Variants in SP7 observed in about 807,000 individuals in gnomAD.
SP7 encodes the protein Sp7 transcription factor, also known as transcription factor Sp7.
A neutral mutation model predicts 27.9 loss-of-function variants in SP7; 13 were observed. The ratio of observed to expected loss-of-function variants is 0.47; its 90% confidence interval spans 0.30 to 0.74. SP7 has a LOEUF of 0.74. SP7 is among the 30% of genes least tolerant of loss of function. The pLI, the probability that SP7 is intolerant of heterozygous loss-of-function variation, is 0.06. For synonymous variants in SP7, 219 were observed against 226.7 expected, an observed-to-expected ratio of 0.97 and a Z score of 0.31; for missense variants, 525 against 558.0, an observed-to-expected ratio of 0.94 and a Z score of 0.60.
intron 2 of SP7, among the ~76,000 whole-genome samples, chr12:53,333,304 G>A (rs770806814): frequency 1.3e-5 from 2 of 152,094 alleles, no homozygotes; most frequent in African/African-American, 2.4e-5. Flanking sequence ...TCCCACCTTC[G>A]AGTTGTTCCC....
intron 2 of SP7, among the ~76,000 whole-genome samples, chr12:53,332,873 C>CCCGGCT (rs1181646926): frequency 1.3e-5 from 2 of 152,282 alleles, no homozygotes; most frequent in Admixed American, 6.5e-5. Flanking sequence ...CTCTGCCCAG[C>CCCGGCT]CCGGCTCCGA....
At chr12:53,338,640 G>C (rs1358204842), upstream of SP7, among the ~76,000 whole-genome samples, 2 of 152,086 alleles carry the variant, frequency 1.3e-5, no homozygotes, top group Admixed American at 6.5e-5. Context: ...TACCCGGGAA[G>C]GGGCAGACGT....
At chr12:53,330,027 C>T (rs1944685940) in intron 2 of SP7, among the ~76,000 whole-genome samples, 1 of 151,954 alleles carries the variant, frequency 6.6e-6, no homozygotes, top group South Asian at 2.1e-4. Context: ...AGCCACTGCG[C>T]CCGGCCTTTT....
chr12:53,328,652 C>G lies in SP7; in HGVS notation c.790G>C (p.Gly264Arg), dbSNP rs1433527492. ...CAGTCGCAGGAGGAGCGCCCTGCCC[C>G]ACTGCCCCCATATCCACCACTACCC... Reference protein sequence around the residue: ...TGGSGGYGGSGAGRSSCDCPN... With the variant: ...TGGSGGYGGSRAGRSSCDCPN... The change falls in exon 3 of 3, where the codon GGG becomes CGG. Residue 264 changes from glycine to arginine, a missense_variant. Gly to Arg is a moderately radical substitution (Grantham distance 125, BLOSUM62 -2). Transcript: ENST00000536324. The surrounding 1 kb of genome is among the most constrained non-coding windows in gnomAD (Gnocchi z 5.1). The G allele has an allele frequency of 6.2e-7, 1 of 1,610,236 alleles. No homozygotes were observed. The highest frequency in any genetic ancestry group is 2.2e-5 in the East Asian group (1 of 44,750).
At position 53,328,332 on chromosome 12, in the gene SP7, G is replaced by A. The variant is rs201777351; in HGVS notation, c.1110C>T (p.Ser370=). 6.2e-7 allele frequency: 1 copy of A among 1,611,756 alleles called. No homozygotes were observed. Among genetic ancestry groups the A allele is most frequent in the Admixed American group, 1.7e-5 (1 of 59,914 alleles). ...SKRFTRSDHL[S]KHQRTHGEPG... is the part of the protein sequence containing the mutation. ...GTTCTCCATGGGTGCGCTGGTGTTTGCTCAGGTGGTCGCTTCGGGTAAAGC... is the reference window on the plus strand; with the variant it reads ...GTTCTCCATGGGTGCGCTGGTGTTTACTCAGGTGGTCGCTTCGGGTAAAGC... Residue 370 remains serine, a synonymous_variant, in exon 3 of 3, where the codon AGC becomes AGT. Coordinates refer to ENST00000536324, the MANE Select transcript of SP7 (RefSeq NM_001173467.3). The surrounding 1 kb of genome is among the most constrained non-coding windows in gnomAD (Gnocchi z 5.1).
chr12:53,342,645 C>T (rs1944834279), intron 1 of SP7, among the ~76,000 whole-genome samples: 2 of 152,036 alleles, frequency 1.3e-5, no homozygotes, highest in South Asian at 4.2e-4. Flanking sequence ...GAAACCCCAT[C>T]TCTACTAAAA....
At position 53,327,867 on chromosome 12, in the gene SP7, G is replaced by A; in HGVS notation, c.*279C>T. 2 of 432,104 alleles carry A rather than the reference G, an allele frequency of 4.6e-6. No homozygotes were observed. The highest frequency in any genetic ancestry group is 2.0e-5 in the African/African-American group (1 of 49,272). The allele number at this position is 432,104 out of a possible 1,614,324, so 26.8% of individuals were successfully genotyped here. The stretch of plus-strand genomic sequence containing the variant: ...CCCAAATAGAAAGTGTGTTGGTGTG[G>A]CAGGGCCAGAGTCTAGGAAGCCGGA... On this transcript the variant is annotated 3_prime_UTR_variant, in exon 3 of 3. Coordinates refer to ENST00000536324, the MANE Select transcript of SP7 (RefSeq NM_001173467.3).
chr12:53,337,238 A>G (rs1481077435), upstream of SP7, among the ~76,000 whole-genome samples: 3 of 152,280 alleles, frequency 2.0e-5, no homozygotes, highest in African/African-American at 7.2e-5. Context: ...TTTCCTGGGA[A>G]CTCCTGGTTC....
Position 53,327,842 on chromosome 12 carries a change from C to A in SP7, c.*304G>T, listed in dbSNP as rs1233103862. On this transcript the variant is annotated 3_prime_UTR_variant, in exon 3 of 3. Coordinates refer to ENST00000536324, the MANE Select transcript of SP7 (RefSeq NM_001173467.3). ...TGAGATGGAGAAATAGTGTTGGGAG[C>A]CCAAATAGAAAGTGTGTTGGTGTGG... 65 of 384,020 alleles carry A rather than the reference C, an allele frequency of 1.7e-4. No homozygotes were observed. Among genetic ancestry groups the A allele is most frequent in the Non-Finnish European group, 1.1e-4 (24 of 213,870 alleles). 23.8% of individuals were successfully genotyped at this position (384,020 alleles called of 1,614,324 possible).
intron 2 of SP7, among the ~76,000 whole-genome samples, chr12:53,333,564 G>T (rs545553302): frequency 6.6e-6 from 1 of 152,218 alleles, no homozygotes; most frequent in East Asian, 1.9e-4. Context: ...AGCAGTCAAG[G>T]TCCCATTTTC....
upstream of SP7, among the ~76,000 whole-genome samples, chr12:53,338,246 C>CGTGGTGGGGTGTCCCT (rs951131992): frequency 1.3e-5 from 2 of 152,124 alleles, no homozygotes; most frequent in African/African-American, 4.8e-5. Flanking sequence ...AGGAAGTGCC[C>CGTGGTGGGGTGTCCCT]GTGGTGGGGT....
Position 53,328,602 on chromosome 12 carries a change from C to A in SP7, c.840G>T (p.Arg280=). The A allele has an allele frequency of 6.2e-7, 1 of 1,609,754 alleles. No individual in the cohort carries two copies. The change falls in exon 3 of 3, where the codon CGG becomes CGT. Residue 280 remains arginine, a synonymous_variant. Coordinates refer to ENST00000536324, the MANE Select transcript of SP7 (RefSeq NM_001173467.3). This position sits in a 1 kb window ranked among gnomAD's most constrained non-coding sequence, Gnocchi z 5.1. ...GCAGCCCAGCCGCTGCTGCTCCCAG[C>A]CGCTCTAGCTCCTGGCAATTAGGGC... ...CDCPNCQELE[R]LGAAAAGLRK...
chr12:53,343,998 A>C (rs1944843095), intron 1 of SP7, among the ~76,000 whole-genome samples: 1 of 152,090 alleles, frequency 6.6e-6, no homozygotes, highest in Non-Finnish European at 1.5e-5. Context: ...CAGTGAGCTG[A>C]GATTGTGCCA....
rs1274124053 is a variant in SP7, at chr12:53,344,171, T to C, written c.-34+943A>G. 1.3e-5 allele frequency among the ~76,000 whole-genome samples: 2 copies of C among 152,084 alleles called. No individual in the cohort carries two copies. The highest frequency in any genetic ancestry group is 2.9e-5 in the Non-Finnish European group (2 of 68,010). On this transcript the variant is annotated intron_variant, in intron 1 of 1. Coordinates refer to the SP7 transcript ENST00000547755. The surrounding 1 kb of genome is among the most constrained non-coding windows in gnomAD (Gnocchi z 4.6). ...GTCACACATGACTTCCCTTGATCTG[T>C]GTGTTGATGTGTGCACTTGCACACA...
Position 53,341,372 on chromosome 12 carries a change from G to T in SP7, c.-34+3742C>A, listed in dbSNP as rs117506633. 3.1e-3 allele frequency among the ~76,000 whole-genome samples: 466 copies of T among 152,276 alleles called. 2 individuals are homozygous for T. Among genetic ancestry groups the T allele is most frequent in the Non-Finnish European group, 3.7e-3 (249 of 68,028 alleles). ...GAAGGAGCAGGAAGGAATCTGGATGGCAGGGGACAAAGTGAAAAATGAAAG... is the reference window on the plus strand; with the variant it reads ...GAAGGAGCAGGAAGGAATCTGGATGTCAGGGGACAAAGTGAAAAATGAAAG... On this transcript the variant is annotated intron_variant, in intron 1 of 1. Transcript: ENST00000547755.
chr12:53,336,380 G>A (rs61928076), upstream of SP7: 3,670 of 155,520 alleles, frequency 0.024, 74 homozygotes, highest in Non-Finnish European at 0.038. Context: ...GCTGCCGCCC[G>A]CCGCTGCTGA....
At chr12:53,338,286 T>G (rs1033824560), upstream of SP7, among the ~76,000 whole-genome samples, 9 of 151,926 alleles carry the variant, frequency 5.9e-5, no homozygotes, top group African/African-American at 1.5e-4. Flanking sequence ...CTCCCCCTTG[T>G]TGGGGGGGAG....
rs889204045 is a variant in SP7 at position 53,344,050 on chromosome 12, GA to G, written c.-34+1063del. ...GCGACAGAGCCAGACTCTGTCTCAA[GA>G]AAAAAAAAAATAAAAAAATAAGTCA... On this transcript the variant is annotated intron_variant, in intron 1 of 1. Transcript: ENST00000547755. This position sits in a 1 kb window ranked among gnomAD's most constrained non-coding sequence, Gnocchi z 4.6. Among the ~76,000 whole-genome samples the G allele has an allele frequency of 1.1e-4, 16 of 150,128 alleles. No individual in the cohort carries two copies. Among genetic ancestry groups the G allele is most frequent in the African/African-American group, 3.7e-4 (15 of 40,722 alleles).
At position 53,344,350 on chromosome 12, in the gene SP7, C is replaced by T. The variant is rs989235167; in HGVS notation, c.-34+764G>A. 6.6e-6 allele frequency among the ~76,000 whole-genome samples: 1 copy of T among 152,064 alleles called. No homozygotes were observed. Among genetic ancestry groups the T allele is most frequent in the African/African-American group, 2.4e-5 (1 of 41,392 alleles). ...CCCGCCTCTGCCCTCTGCCCCAATC[C>T]CTCCTGAACTATTTCCTTTCCCCCT... is the stretch of plus-strand genomic sequence containing the variant. On this transcript the variant is annotated intron_variant, in intron 1 of 1. Transcript: ENST00000547755. The surrounding 1 kb of genome is among the most constrained non-coding windows in gnomAD (Gnocchi z 4.6).
Sources: gnomAD v4.1 joint callset for allele counts (sites outside exome capture counted in the v4.1 genomes callset) on GRCh38, gnomAD v4.1.1 for gene constraint, Gnocchi (gnomAD v3.1) non-coding constraint, MANE v1.5 for transcripts, NCBI Gene and HGNC (gene_info 2026-07-23, HGNC 2026-07-21) for gene names.